Variants in LRP1B observed in about 807,000 individuals in gnomAD.
LRP1B encodes the protein LDL receptor related protein 1B, also known as low-density lipoprotein receptor-related protein 1B.
Under a neutral mutation model 556.6 loss-of-function variants are expected in LRP1B, and 217 were observed. That is an observed-to-expected ratio of 0.39 (90% CI 0.35 to 0.44). The LOEUF (loss-of-function observed/expected upper bound fraction) is 0.44, where lower values mean the gene tolerates loss of function less well. Among genes scored for constraint, LRP1B ranks in the 20% least tolerant of loss-of-function variants. The pLI is 1.00. For missense variants in LRP1B, 5,053 were observed against 5,620.8 expected (o/e 0.90, Z 3.23); for synonymous variants, 2,047 against 1,865.8 (o/e 1.10, Z -2.50).
chr2:141,642,912 A>G (rs975873736), intron 2 of LRP1B, among the ~76,000 whole-genome samples: 1 of 152,146 alleles, frequency 6.6e-6, no homozygotes, highest in African/African-American at 2.4e-5. Context: ...AGCTAAATAA[A>G]TCATGCAGTG....
intron 6 of LRP1B, among the ~76,000 whole-genome samples, chr2:141,201,265 C>T (rs1422893090): frequency 6.6e-6 from 1 of 152,166 alleles, no homozygotes; most frequent in Non-Finnish European, 1.5e-5. Context: ...AATGTTCTGA[C>T]AAAATGTCGT....
intron 2 of LRP1B, among the ~76,000 whole-genome samples, chr2:141,570,118 A>T (rs2105261779): frequency 6.8e-6 from 1 of 146,736 alleles, no homozygotes; most frequent in Non-Finnish European, 1.5e-5. Flanking sequence ...AAGCAGAGGC[A>T]TTTGGAGGCT....
At chr2:140,680,935 CTA>C (rs1685838522) in intron 41 of LRP1B, among the ~76,000 whole-genome samples, 1 of 152,112 alleles carries the variant, frequency 6.6e-6, no homozygotes, top group Non-Finnish European at 1.5e-5. Context: ...GCAAATTATG[CTA>C]TTGATTTTGT....
intron 7 of LRP1B, among the ~76,000 whole-genome samples, chr2:141,071,707 A>G (rs990926669): frequency 1.3e-5 from 2 of 152,180 alleles, no homozygotes; most frequent in African/African-American, 2.4e-5. Context: ...TTATACACCA[A>G]TAACAGACAA....
At chr2:140,976,517 T>C (rs1210586857) in intron 18 of LRP1B, among the ~76,000 whole-genome samples, 1 of 142,580 alleles carries the variant, frequency 7.0e-6, no homozygotes, top group Non-Finnish European at 1.5e-5. Context: ...TTTTTTTTTT[T>C]TTTTTTTGAG....
chr2:141,036,767 A>G (rs1284256442), intron 11 of LRP1B, among the ~76,000 whole-genome samples: 1 of 152,086 alleles, frequency 6.6e-6, no homozygotes, highest in Non-Finnish European at 1.5e-5. Context: ...ACAAAGGTAC[A>G]GCAACACTCA....
intron 2 of LRP1B, among the ~76,000 whole-genome samples, chr2:141,748,768 A>C (rs1694001307): frequency 6.6e-6 from 1 of 152,204 alleles, no homozygotes; most frequent in Admixed American, 6.5e-5. Context: ...CCAAAGCAGA[A>C]GGCTCTGGGC....
intron 27 of LRP1B, among the ~76,000 whole-genome samples, chr2:140,859,948 T>C (rs972999415): frequency 1.3e-5 from 2 of 151,900 alleles, no homozygotes; most frequent in African/African-American, 4.8e-5. Flanking sequence ...TGAGCGGAGA[T>C]CGCACCCCTG....
At chr2:141,682,062 T>C (rs868689288) in intron 2 of LRP1B, among the ~76,000 whole-genome samples, 6 of 152,086 alleles carry the variant, frequency 3.9e-5, no homozygotes, top group Admixed American at 1.3e-4. Context: ...CAAAAGTGAA[T>C]AGAAGTAAAA....
chr2:140,510,140 G>A (rs2104918338), intron 51 of LRP1B, 84 bp from the exon 52 acceptor site: 2 of 1,451,982 alleles, frequency 1.4e-6, no homozygotes, highest in South Asian at 1.3e-5. Context: ...ACAGTAAGGG[G>A]GGAAGCAGAA....
intron 87 of LRP1B, among the ~76,000 whole-genome samples, chr2:140,243,333 A>G (rs541770865): frequency 6.6e-6 from 1 of 151,188 alleles, no homozygotes; most frequent in Non-Finnish European, 1.5e-5. Flanking sequence ...GCAGAATAGA[A>G]AGAAAATAAT....
intron 1 of LRP1B, among the ~76,000 whole-genome samples, chr2:141,934,822 G>C (rs1432546441): frequency 2.0e-5 from 3 of 152,124 alleles, no homozygotes; most frequent in African/African-American, 7.2e-5. Context: ...GGCCTCCCCA[G>C]CCATGTGAAA....
At chr2:140,537,182 T>A (rs112005538) in intron 45 of LRP1B, among the ~76,000 whole-genome samples, 31 of 94,174 alleles carry the variant, frequency 3.3e-4, no homozygotes, top group Admixed American at 1.2e-3. Context: ...AAATAATAAT[T>A]ATTATTATAT....
chr2:141,782,722 T>C (rs976281587), intron 2 of LRP1B, among the ~76,000 whole-genome samples: 5 of 152,054 alleles, frequency 3.3e-5, no homozygotes, highest in African/African-American at 1.2e-4. Flanking sequence ...TTCATGATCA[T>C]TGAGCATATG....
chr2:140,694,311 T>A (rs1295924942), intron 41 of LRP1B, among the ~76,000 whole-genome samples: 1 of 152,188 alleles, frequency 6.6e-6, no homozygotes, highest in African/African-American at 2.4e-5. Context: ...GATATATTGT[T>A]ACTGACTTTA....
chr2:141,368,958 A>AT (rs1689138207), intron 3 of LRP1B, among the ~76,000 whole-genome samples: 2 of 152,130 alleles, frequency 1.3e-5, no homozygotes, highest in African/African-American at 4.8e-5. Flanking sequence ...AAATGAAATT[A>AT]TTTTTCTTCA....
intron 1 of LRP1B, among the ~76,000 whole-genome samples, chr2:142,115,535 TACATATGTA>T (rs1707175674): frequency 4.7e-5 from 2 of 42,462 alleles, no homozygotes; most frequent in African/African-American, 6.9e-5. Context: ...ATATATATAT[TACATATGTA>T]ATATATATAT....
intron 66 of LRP1B, among the ~76,000 whole-genome samples, chr2:140,390,121 C>T (rs547599380): frequency 4.3e-4 from 65 of 151,792 alleles, no homozygotes; most frequent in African/African-American, 1.5e-3. Context: ...AAGAGTGAGA[C>T]TCTATGTAAA....
chr2:140,728,072 A>C (rs1687654922), intron 35 of LRP1B, among the ~76,000 whole-genome samples: 1 of 152,150 alleles, frequency 6.6e-6, no homozygotes, highest in African/African-American at 2.4e-5. Flanking sequence ...ATTCTCTTTT[A>C]AATTACTATT....
Sources: gnomAD v4.1 joint callset for allele counts (sites outside exome capture counted in the v4.1 genomes callset) on GRCh38, gnomAD v4.1.1 for gene constraint, MANE v1.5 for transcripts, NCBI Gene and HGNC (gene_info 2026-07-23, HGNC 2026-07-21) for gene names.